WNK2: variants seen among roughly 807,000 people sequenced by gnomAD.
The protein encoded by WNK2 is WNK lysine deficient protein kinase 2.
WNK2 carries 67 observed loss-of-function variants against 192.1 expected under a neutral mutation model. The ratio of observed to expected loss-of-function variants is 0.35; its 90% CI spans 0.29 to 0.43. The LOEUF (loss-of-function observed/expected upper bound fraction) is 0.43, where lower values mean the gene tolerates loss of function less well. Ranked by LOEUF, WNK2 falls within the 20% of genes least tolerant of loss-of-function variation. WNK2 has a pLI of 1.00. For synonymous variants in WNK2, 1,439 were observed against 1,393.9 expected (o/e 1.03, Z -0.72); for missense variants, 2,698 against 3,089.7 (o/e 0.87, Z 3.01).
chr9:93,302,123 A>G (rs576963936), intron 26 of WNK2, among the ~76,000 whole-genome samples: 121 of 152,342 alleles, frequency 7.9e-4, no homozygotes, highest in African/African-American at 2.7e-3. Context: ...GCTCATGGGT[A>G]AACCCCCAGG....
Position 93,299,084 on chromosome 9 carries a change from T to G in WNK2, c.5938T>G (p.Ser1980Ala). The G allele has an allele frequency of 6.2e-7, 1 of 1,610,450 alleles. No homozygotes were observed. The highest frequency in any genetic ancestry group is 8.5e-7 in the Non-Finnish European group (1 of 1,179,412). The change falls in exon 25 of 30, where the codon TCC (serine) becomes GCC (alanine). Residue 1980 changes from serine (S) to alanine (A), a missense_variant. Ser to Ala is a moderately conservative substitution (Grantham distance 99, BLOSUM62 1). Around this residue, in one of 7 missense-constraint regions of WNK2, gnomAD observed 1,098 missense variants for 1,101.0 expected, o/e 1.00. Transcript: ENST00000427277. ...CCCCCGCCCAGGTCACTTGGCTGAC[T>G]CCAGCAGAGGCCCTCCCGCTAAGGA... ...VASSTGHLAD[S>A]SRGPPAKDPA...
intron 24 of WNK2, 122 bp from the exon 25 acceptor site, chr9:93,298,948 C>T (rs1252558825): frequency 1.4e-5 from 14 of 1,022,152 alleles, no homozygotes; most frequent in Non-Finnish European, 1.9e-5. Context: ...TGCCTGTGGT[C>T]TGCAGGAGAC....
At chr9:93,191,535 A>G (rs1286554638) in intron 2 of WNK2, among the ~76,000 whole-genome samples, 1 of 152,056 alleles carries the variant, frequency 6.6e-6, no homozygotes, top group African/African-American at 2.4e-5. Context: ...AGGTTTTGAC[A>G]GGATCTCTCT....
At chr9:93,274,649 TAAAC>T (rs1367819173) in intron 19 of WNK2, among the ~76,000 whole-genome samples, 2 of 152,086 alleles carry the variant, frequency 1.3e-5, no homozygotes, top group Non-Finnish European at 2.9e-5. Context: ...AGACAGAAAT[TAAAC>T]AATTTAGGTG....
At chr9:93,317,699 C>T in intron 29 of WNK2, 68 bp downstream of exon 29, 4 of 1,557,024 alleles carry the variant, frequency 2.6e-6, no homozygotes, top group South Asian at 1.1e-5. Context: ...GAGGCCTGCT[C>T]CCAGCTCCAG....
chr9:93,206,336 G>A (rs1259759389), intron 2 of WNK2, among the ~76,000 whole-genome samples: 4 of 150,724 alleles, frequency 2.7e-5, no homozygotes, highest in Admixed American at 6.6e-5. Flanking sequence ...ACCTGGGCAC[G>A]TGGACCTAGG....
At chr9:93,208,641 C>T (rs1833838803) in intron 2 of WNK2, among the ~76,000 whole-genome samples, 4 of 4,250 alleles carry the variant, frequency 9.4e-4, no homozygotes, top group South Asian at 0.015. Flanking sequence ...TCCATGTGCA[C>T]ATGTTCTGTG....
intron 2 of WNK2, among the ~76,000 whole-genome samples, chr9:93,218,090 C>T (rs532278837): frequency 1.3e-5 from 2 of 152,246 alleles, no homozygotes; most frequent in South Asian, 4.1e-4. Context: ...ACTGTTAGAC[C>T]CTCACCCACT....
At chr9:93,227,638 G>C (rs1043266803) in intron 2 of WNK2, among the ~76,000 whole-genome samples, 3 of 152,140 alleles carry the variant, frequency 2.0e-5, no homozygotes, top group Non-Finnish European at 4.4e-5. Context: ...ATTAAGAATA[G>C]TTTTTCCCAG....
At chr9:93,299,483 G>A (rs1054578036) in intron 25 of WNK2, among the ~76,000 whole-genome samples, 62 of 152,236 alleles carry the variant, frequency 4.1e-4, no homozygotes, top group African/African-American at 1.4e-3. Context: ...CAGCTCAGGG[G>A]GAGGTGATGC....
chr9:93,249,209 A>G (rs908415273), intron 8 of WNK2, among the ~76,000 whole-genome samples: 15 of 152,250 alleles, frequency 9.9e-5, no homozygotes, highest in Non-Finnish European at 4.4e-5. Flanking sequence ...TGTGGGTTAA[A>G]TAATTCCTAG....
At position 93,229,634 on chromosome 9, in the gene WNK2, C is replaced by A; in HGVS notation, c.682-62C>A. On this transcript the variant is annotated intron_variant, in intron 2 of 29. Transcript: ENST00000427277. The surrounding 1 kb of genome is among the most constrained non-coding windows in gnomAD (Gnocchi z 4.9). ...ACTGTGTGGCGCTGCTGGGATGTGACGCCACCGTGTCCCCTTCTGTGTCCC... is the reference window on the plus strand; with the variant it reads ...ACTGTGTGGCGCTGCTGGGATGTGAAGCCACCGTGTCCCCTTCTGTGTCCC... The A allele has an allele frequency of 6.5e-7, 1 of 1,547,932 alleles. No homozygotes were observed.
intron 26 of WNK2, 65 bp downstream of exon 26, chr9:93,300,214 C>A (rs1256536088): frequency 1.5e-6 from 2 of 1,322,784 alleles, no homozygotes; most frequent in African/African-American, 1.5e-5. Flanking sequence ...CCACCCCCTC[C>A]CTGTCTTCAT....
intron 2 of WNK2, among the ~76,000 whole-genome samples, chr9:93,224,847 C>T (rs948196790): frequency 2.0e-5 from 3 of 152,262 alleles, no homozygotes; most frequent in African/African-American, 4.8e-5. Context: ...CTTTAAGCAC[C>T]GTGTGAGTCT....
intron 5 of WNK2, among the ~76,000 whole-genome samples, chr9:93,235,327 C>T (rs770352506): frequency 3.9e-5 from 6 of 152,214 alleles, no homozygotes; most frequent in Non-Finnish European, 7.3e-5. Context: ...GCCACCCATC[C>T]CCAGTGCTCA....
intron 2 of WNK2, among the ~76,000 whole-genome samples, chr9:93,219,126 G>A (rs968068974): frequency 1.3e-5 from 2 of 152,250 alleles, no homozygotes; most frequent in African/African-American, 4.8e-5. Context: ...GGAGGGGAGG[G>A]GCATGGGTTC....
rs532820025 is a variant in WNK2, at chr9:93,281,753, T to C, written c.4034-7035T>C. Among the ~76,000 whole-genome samples the C allele has an allele frequency of 2.6e-5, 4 of 152,176 alleles. No homozygotes were observed. The East Asian group carries it at 5.8e-4, about 22-fold the overall frequency. ...TGAAAATCAAAGGCACATGGGAAAA[T>C]TTAAAGGATGCCCAAGAAAAAACAG... On this transcript the variant is annotated intron_variant, in intron 19 of 29. Coordinates refer to ENST00000427277, the MANE Select transcript of WNK2 (RefSeq NM_006648.4).
chr9:93,314,719 A>G (rs1044121951), intron 28 of WNK2, among the ~76,000 whole-genome samples: 10 of 152,140 alleles, frequency 6.6e-5, no homozygotes. Context: ...TGCCCTTTAC[A>G]GATGTTTCAA....
At chr9:93,211,197 CACATTTACTCATTCAA>C (rs1563996902) in intron 2 of WNK2, among the ~76,000 whole-genome samples, 3 of 4,056 alleles carry the variant, frequency 7.4e-4, no homozygotes, top group African/African-American at 2.3e-3. Context: ...CACACACTCA[CACATTTACTCATTCAA>C]TCACTCATCC....
Sources: gnomAD v4.1 joint callset for allele counts (sites outside exome capture counted in the v4.1 genomes callset) on GRCh38, gnomAD v4.1.1 for gene constraint, gnomAD v4.1.1 regional missense constraint, Gnocchi (gnomAD v3.1) non-coding constraint, MANE v1.5 for transcripts, NCBI Gene and HGNC (gene_info 2026-07-23, HGNC 2026-07-21) for gene names.